The following CLMN variants were observed in gnomAD, a reference collection of about 807,000 sequenced individuals.
The protein encoded by CLMN is calmin (calponin-like, transmembrane).
A neutral mutation model predicts 92.7 loss-of-function variants in CLMN; 57 were observed. That is an observed-to-expected ratio of 0.61 (90% confidence interval 0.50 to 0.77). The LOEUF (loss-of-function observed/expected upper bound fraction) is 0.77. CLMN is among the 30% of genes least tolerant of loss of function. The probability of loss-of-function intolerance (pLI) is 0.00; values close to 1 mark genes in which losing one functional copy is unlikely to be tolerated. For missense variants in CLMN, 1,158 were observed against 1,237.5 expected (o/e 0.94, Z 0.96); for synonymous variants, 466 against 470.6 (o/e 0.99, Z 0.13).
rs1005944659 is a variant in CLMN, at chr14:95,188,820, AG to A, written c.*2743del. 5 of 152,274 alleles carry A rather than the reference AG, an allele frequency of 3.3e-5. No homozygotes were observed. Among genetic ancestry groups the A allele is most frequent in the African/African-American group, 1.2e-4 (5 of 41,560 alleles). 9.4% of individuals were successfully genotyped at this position (152,274 alleles called of 1,614,324 possible). A position where few individuals can be genotyped will look rare whatever the true frequency, so the allele number is the denominator to read the frequency against. On this transcript the variant is annotated 3_prime_UTR_variant, in exon 13 of 13. Transcript: ENST00000298912. Reference sequence around the variant, plus strand: ...TCAACCAGCACGCTTGGGAGGGGCTAGGGGAGGGTATTATTTTCCACCTGTC... The same window carrying A: ...TCAACCAGCACGCTTGGGAGGGGCTAGGGAGGGTATTATTTTCCACCTGTC...
At position 95,185,596 on chromosome 14, in the gene CLMN, G is replaced by A. The variant is rs1896422641; in HGVS notation, c.*5968C>T. ...ATGTCGGGGAAGGAGAAATAACACAGCTGGGCCTCACAGGGCTTTGTGCAG... is the reference window on the plus strand; with the variant it reads ...ATGTCGGGGAAGGAGAAATAACACAACTGGGCCTCACAGGGCTTTGTGCAG... On this transcript the variant is annotated 3_prime_UTR_variant, in exon 13 of 13. Transcript: ENST00000298912. The A allele has an allele frequency of 6.6e-6, 1 of 152,216 alleles. No individual in the cohort carries two copies. The allele number at this position is 152,216 out of a possible 1,614,324, so 9.4% of individuals were successfully genotyped here.
rs1283540296 is a variant in CLMN, at chr14:95,193,713, T to C, written c.2840+136A>G. On this transcript the variant is annotated intron_variant, in intron 12 of 12. Coordinates refer to ENST00000298912, the MANE Select transcript of CLMN (RefSeq NM_024734.4). Reference sequence around the variant, plus strand: ...TACATCATTTTCTCTGGAATAGTTATTTTCTTGCATTATCCCAAATTATTA... The same window carrying C: ...TACATCATTTTCTCTGGAATAGTTACTTTCTTGCATTATCCCAAATTATTA... The C allele has an allele frequency of 5.5e-6, 6 of 1,085,866 alleles. No homozygotes were observed. In the Admixed American group the frequency reaches 1.5e-4, roughly 28 times the overall value. The allele number at this position is 1,085,866 out of a possible 1,614,324, so 67.3% of individuals were successfully genotyped here. A position where few individuals can be genotyped will look rare whatever the true frequency, so the allele number is the denominator to read the frequency against.
intron 1 of CLMN, among the ~76,000 whole-genome samples, chr14:95,269,489 C>G (rs923306144): frequency 6.6e-6 from 1 of 152,220 alleles, no homozygotes; most frequent in Non-Finnish European, 1.5e-5. Context: ...TGGCCAGACC[C>G]AAGTCACAGC....
At chr14:95,266,473 C>A (rs1043243564) in intron 1 of CLMN, among the ~76,000 whole-genome samples, 2 of 151,904 alleles carry the variant, frequency 1.3e-5, no homozygotes, top group Non-Finnish European at 2.9e-5. Flanking sequence ...ATATAAAATA[C>A]CTAGGTATAG....
At chr14:95,209,551 T>C in intron 7 of CLMN, 74 bp from the exon 8 acceptor site, 1 of 1,146,796 alleles carries the variant, frequency 8.7e-7, no homozygotes, top group Non-Finnish European at 1.3e-6. Flanking sequence ...GGATGCCTGA[T>C]GGTGAAGAAT....
intron 1 of CLMN, among the ~76,000 whole-genome samples, chr14:95,236,275 T>C (rs1321701753): frequency 6.6e-6 from 1 of 152,216 alleles, no homozygotes. Context: ...TGCAGCGTCC[T>C]GGGGGCATGT....
Position 95,203,839 on chromosome 14 carries a change from G to T in CLMN, c.1510C>A (p.Gln504Lys). The T allele has an allele frequency of 6.2e-7, 1 of 1,614,176 alleles. No homozygotes were observed. The highest frequency in any genetic ancestry group is 1.1e-5 in the South Asian group (1 of 91,060). ...FLVEGTNNNS[Q>K]SSSCNGALES... ...AAAGCACCATTACAGGAAGAAGACT[G>T]AGAATTATTGTTTGTGCCCTCCACC... is the stretch of plus-strand genomic sequence containing the variant. Residue 504 changes from glutamine (Q) to lysine (K), a missense_variant, in exon 9 of 13, where the codon CAG becomes AAG. Transcript: ENST00000298912.
chr14:95,203,024 A>G lies in CLMN; in HGVS notation c.2325T>C (p.Asp775=), dbSNP rs922986447. 2.7e-5 allele frequency: 43 copies of G among 1,614,146 alleles called. No homozygotes were observed. Among genetic ancestry groups the G allele is most frequent in the Non-Finnish European group, 3.5e-5 (41 of 1,180,018 alleles). ...AGGAACTGGAGCTGCTCTGAGAGCC[A>G]TCGGCCTCCTCCTCCCTGGAGTCCA... ...PDLDSREEEA[D]GSQSSSSSSV... Residue 775 remains aspartate, a synonymous_variant, in exon 9 of 13, where the codon GAT becomes GAC. Transcript: ENST00000298912.
chr14:95,254,859 T>C (rs1041889961), intron 1 of CLMN, among the ~76,000 whole-genome samples: 1 of 152,100 alleles, frequency 6.6e-6, no homozygotes, highest in Non-Finnish European at 1.5e-5. Flanking sequence ...CCTGGCTAAT[T>C]TAAAATAGTT....
chr14:95,231,150 G>A (rs1031593402), intron 1 of CLMN, among the ~76,000 whole-genome samples: 2 of 151,806 alleles, frequency 1.3e-5, no homozygotes, highest in Admixed American at 6.6e-5. Flanking sequence ...CACGGCCTGA[G>A]CTCCGCCTCC....
chr14:95,207,969 A>G (rs913437985), intron 8 of CLMN, among the ~76,000 whole-genome samples: 1 of 152,150 alleles, frequency 6.6e-6, no homozygotes, highest in Non-Finnish European at 1.5e-5. Flanking sequence ...GACTATGGAG[A>G]GGTCTTTAAG....
rs113523911 is a variant in CLMN at position 95,229,558 on chromosome 14, A to G, written c.144+514T>C. On this transcript the variant is annotated intron_variant, in intron 2 of 12. Coordinates refer to ENST00000298912, the MANE Select transcript of CLMN (RefSeq NM_024734.4). ...TAGGAGGGGGGTAATTCAAGTCGTC[A>G]TGAGGATGACAGGAGACATGGCATG... 1.5e-3 allele frequency among the ~76,000 whole-genome samples: 224 copies of G among 152,282 alleles called. 1 individual carries two copies. The South Asian group carries it at 0.015, about 10-fold the overall frequency.
chr14:95,221,000 A>G (rs1897520622), intron 4 of CLMN, among the ~76,000 whole-genome samples: 2 of 152,224 alleles, frequency 1.3e-5, no homozygotes, highest in South Asian at 4.1e-4. Context: ...TTTACTGCTT[A>G]AATCAGCTGA....
intron 6 of CLMN, among the ~76,000 whole-genome samples, chr14:95,211,890 T>C (rs563834218): frequency 6.6e-6 from 1 of 152,288 alleles, no homozygotes; most frequent in South Asian, 2.1e-4. Context: ...GTGTTACTTT[T>C]CATGGCGGTG....
chr14:95,208,582 C>T lies in CLMN; in HGVS notation c.885+813G>A, dbSNP rs527742159. Among the ~76,000 whole-genome samples, 12 of 152,248 alleles carry T rather than the reference C, an allele frequency of 7.9e-5. No homozygotes were observed. In the South Asian group the frequency reaches 1.0e-3, roughly 13 times the overall value. On this transcript the variant is annotated intron_variant, in intron 8 of 12. Coordinates refer to ENST00000298912, the MANE Select transcript of CLMN (RefSeq NM_024734.4). ...GAAGCAGATCCGTTTTATAAGAAAG[C>T]GTCTTTCATAATCTTAATAAAGTTT...
intron 1 of CLMN, among the ~76,000 whole-genome samples, chr14:95,268,793 TC>T (rs372764847): frequency 4.2e-4 from 40 of 94,542 alleles, no homozygotes; most frequent in African/African-American, 1.5e-3. Flanking sequence ...TCTCTCTCTC[TC>T]TTTTTTTTTT....
rs1330374087 is a variant in CLMN at position 95,204,272 on chromosome 14, C to G, written c.1077G>C (p.Met359Ile). ...AAACACCATCCAGGCGGAATTCCTT[C>G]ATGCTCTCGGGCTTGTCACAGACAA... is the stretch of plus-strand genomic sequence containing the variant. The part of the protein sequence containing the change: ...KVFVCDKPES[M>I]KEFRLDGVSS... Residue 359 changes from methionine (M) to isoleucine (I), a missense_variant, in exon 9 of 13, where the codon ATG becomes ATC. By Grantham distance (10) the Met-to-Ile change is conservative. Coordinates refer to ENST00000298912, the MANE Select transcript of CLMN (RefSeq NM_024734.4). The G allele has an allele frequency of 6.2e-7, 1 of 1,614,124 alleles. No homozygotes were observed. The highest frequency in any genetic ancestry group is 1.7e-5 in the Admixed American group (1 of 60,018).
intron 1 of CLMN, among the ~76,000 whole-genome samples, chr14:95,265,619 C>T (rs142732036): frequency 2.6e-4 from 40 of 152,292 alleles, no homozygotes; most frequent in African/African-American, 9.6e-4. Flanking sequence ...TGAATCAGAC[C>T]ATCTGTGAGT....
chr14:95,198,065 T>C (rs1028451463), intron 9 of CLMN, among the ~76,000 whole-genome samples: 2 of 147,890 alleles, frequency 1.4e-5, no homozygotes, highest in African/African-American at 5.0e-5. Flanking sequence ...TTTTTTTTTT[T>C]TGAGATGGAG....
Sources: gnomAD v4.1 joint callset for allele counts (sites outside exome capture counted in the v4.1 genomes callset) on GRCh38, gnomAD v4.1.1 for gene constraint, MANE v1.5 for transcripts, NCBI Gene and HGNC (gene_info 2026-07-23, HGNC 2026-07-21) for gene names.